The following DISC1 variants were observed in gnomAD, a reference collection of about 807,000 sequenced individuals.
DISC1 encodes DISC1 scaffold protein.
In DISC1, 57 loss-of-function variants were observed where a neutral mutation model predicts 84.5. The ratio of observed to expected loss-of-function variants is 0.67; its 90% CI spans 0.55 to 0.84. The LOEUF (loss-of-function observed/expected upper bound fraction) is 0.84. DISC1 is among the 40% of genes least tolerant of loss of function. DISC1 has a pLI of 0.00. For missense variants in DISC1, 1,000 were observed against 1,057.8 expected, an observed-to-expected ratio of 0.95 and a Z score of 0.76; for synonymous variants, 411 against 415.2, an observed-to-expected ratio of 0.99 and a Z score of 0.12.
rs540763296 is a variant in DISC1, at chr1:231,841,878, G to A, written c.1981+23361G>A. ...TTCCTTAGACACACACACAAAAAGA[G>A]CAAAATGTTAAGGTTAGAAAACAGT... On this transcript the variant is annotated intron_variant, in intron 9 of 12. Coordinates refer to ENST00000439617, the MANE Select transcript of DISC1 (RefSeq NM_018662.3). Among the ~76,000 whole-genome samples, 3 of 152,298 alleles carry A rather than the reference G, an allele frequency of 2.0e-5. No homozygotes were observed. The South Asian group carries it at 6.2e-4, about 32-fold the overall frequency.
chr1:231,902,026 A>G (rs1258469093), intron 9 of DISC1, among the ~76,000 whole-genome samples: 1 of 151,752 alleles, frequency 6.6e-6, no homozygotes, highest in Non-Finnish European at 1.5e-5. Flanking sequence ...TATATTTATC[A>G]TATACATAAT....
chr1:231,696,936 G>C (rs1205663742), intron 2 of DISC1, among the ~76,000 whole-genome samples: 1 of 152,226 alleles, frequency 6.6e-6, no homozygotes, highest in Non-Finnish European at 1.5e-5. Flanking sequence ...CTGTACTTGA[G>C]TATCTGTTGT....
chr1:231,934,035 C>T (rs1206337092), intron 9 of DISC1, among the ~76,000 whole-genome samples: 1 of 152,180 alleles, frequency 6.6e-6, no homozygotes, highest in Non-Finnish European at 1.5e-5. Flanking sequence ...ATTCACTCAC[C>T]TTTTCAACCT....
rs182711218 is a variant in DISC1 at position 231,735,835 on chromosome 1, C to T, written c.1118-14091C>T. Among the ~76,000 whole-genome samples, 447 of 152,190 alleles carry T rather than the reference C, an allele frequency of 2.9e-3. 2 individuals are homozygous for T. Among genetic ancestry groups the T allele is most frequent in the Non-Finnish European group, 4.9e-3 (334 of 68,012 alleles). The stretch of plus-strand genomic sequence containing the variant: ...TTATTTTAGTTTGATTTTTTTGAGT[C>T]GGGGTCTGGCTCTGTTGCCCAGGCT... On this transcript the variant is annotated intron_variant, in intron 3 of 12. Transcript: ENST00000439617.
chr1:231,999,159 G>T (rs1464655782), intron 10 of DISC1, among the ~76,000 whole-genome samples: 1 of 152,068 alleles, frequency 6.6e-6, no homozygotes, highest in African/African-American at 2.4e-5. Context: ...AGTAAGGGAG[G>T]ATTCCTGGTC....
At position 231,887,892 on chromosome 1, in the gene DISC1, G is replaced by A. The variant is rs1380668139; in HGVS notation, c.1981+69375G>A. ...CTTGGAGTATTTATTTTATGAATACGTGAATTACAATAACAAAACACTATA... is the reference window on the plus strand; with the variant it reads ...CTTGGAGTATTTATTTTATGAATACATGAATTACAATAACAAAACACTATA... On this transcript the variant is annotated intron_variant, in intron 9 of 12. Coordinates refer to ENST00000439617, the MANE Select transcript of DISC1 (RefSeq NM_018662.3). 1.3e-5 allele frequency among the ~76,000 whole-genome samples: 2 copies of A among 152,104 alleles called. 1 individual carries two copies. Among genetic ancestry groups the A allele is most frequent in the South Asian group, 4.1e-4 (2 of 4,828 alleles).
chr1:231,905,297 C>T (rs1484655587), intron 9 of DISC1, among the ~76,000 whole-genome samples: 1 of 152,152 alleles, frequency 6.6e-6, no homozygotes, highest in East Asian at 1.9e-4. Context: ...GGCCTATGGT[C>T]TTCAGAAGTG....
At chr1:231,662,793 A>G (rs762275193) in intron 1 of DISC1, among the ~76,000 whole-genome samples, 7 of 152,236 alleles carry the variant, frequency 4.6e-5, no homozygotes, top group African/African-American at 1.2e-4. Flanking sequence ...CAAAGAAAAT[A>G]TCTATAGAAT....
chr1:231,957,190 G>T (rs560106745), intron 9 of DISC1, among the ~76,000 whole-genome samples: 5 of 152,196 alleles, frequency 3.3e-5, no homozygotes, highest in Non-Finnish European at 7.4e-5. Context: ...GGAACATTTG[G>T]CTCCGGCCAC....
Position 231,780,821 on chromosome 1 carries a change from T to C in DISC1, c.1634+9751T>C, listed in dbSNP as rs1191983505. Among the ~76,000 whole-genome samples the C allele has an allele frequency of 3.5e-3, 367 of 103,454 alleles. 3 individuals are homozygous for C. Among genetic ancestry groups the C allele is most frequent in the African/African-American group, 0.013 (341 of 26,490 alleles). 67.9% of individuals were successfully genotyped at this position (103,454 alleles called of 152,430 possible). On this transcript the variant is annotated intron_variant, in intron 6 of 12. Transcript: ENST00000439617. ...GTGGCACATATACACCATGGAATAC[T>C]ATGCAGCCATAAAAAATGATGAGTT... is the stretch of plus-strand genomic sequence containing the variant.
chr1:231,866,545 G>T (rs1202630101), intron 9 of DISC1: 1 of 892,894 alleles, frequency 1.1e-6, no homozygotes, highest in Non-Finnish European at 1.9e-6. Context: ...GTGATGCAGA[G>T]TCCTGGACAC....
chr1:231,775,357 T>C (rs2076883965), intron 6 of DISC1, among the ~76,000 whole-genome samples: 1 of 152,246 alleles, frequency 6.6e-6, no homozygotes, highest in Non-Finnish European at 1.5e-5. Flanking sequence ...CGTTTCTGAC[T>C]GTGGCTTGTT....
chr1:231,807,682 A>G (rs2079852302), intron 8 of DISC1, among the ~76,000 whole-genome samples: 2 of 152,170 alleles, frequency 1.3e-5, no homozygotes, highest in Non-Finnish European at 2.9e-5. Flanking sequence ...CTGATGTTCC[A>G]GCTTCTGGAT....
At chr1:231,868,082 C>G (rs2085186645) in intron 9 of DISC1, among the ~76,000 whole-genome samples, 1 of 152,202 alleles carries the variant, frequency 6.6e-6, no homozygotes, top group South Asian at 2.1e-4. Flanking sequence ...AGGACACTCC[C>G]ACTCAGAGGC....
chr1:231,639,793 C>T lies in DISC1; in HGVS notation c.67+12859C>T, dbSNP rs543633773. On this transcript the variant is annotated intron_variant, in intron 1 of 12. Transcript: ENST00000439617. ...TGTATAGAACTGCTTTTACTATAAA[C>T]TTGCTTGTATTGTCCCCAGCAGCCA... Among the ~76,000 whole-genome samples the T allele has an allele frequency of 2.0e-5, 3 of 152,324 alleles. No homozygotes were observed. The South Asian group carries it at 6.2e-4, about 32-fold the overall frequency.
chr1:232,035,151 G>A (rs1670398532), intron 12 of DISC1, among the ~76,000 whole-genome samples: 1 of 152,116 alleles, frequency 6.6e-6, no homozygotes, highest in South Asian at 2.1e-4. Flanking sequence ...GGAGTTCCTT[G>A]TTCAAAAAAG....
chr1:232,005,446 T>C (rs551136117), intron 10 of DISC1, among the ~76,000 whole-genome samples: 2 of 152,324 alleles, frequency 1.3e-5, no homozygotes, highest in African/African-American at 4.8e-5. Context: ...TGTGCCTTTC[T>C]TTTCTCTCAC....
chr1:231,795,727 GA>G (rs930595195), intron 7 of DISC1, among the ~76,000 whole-genome samples: 10 of 152,066 alleles, frequency 6.6e-5, no homozygotes, highest in African/African-American at 2.4e-4. Flanking sequence ...CGTCTCTCCT[GA>G]AAATACAAAA....
intron 10 of DISC1, among the ~76,000 whole-genome samples, chr1:231,998,946 G>A (rs143432665): frequency 6.6e-5 from 10 of 152,186 alleles, no homozygotes; most frequent in African/African-American, 2.4e-4. Flanking sequence ...ATACATTAAA[G>A]CACTTTTCTT....
Sources: allele counts gnomAD v4.1 joint callset (sites outside exome capture counted in the v4.1 genomes callset), GRCh38; gene constraint gnomAD v4.1.1; transcripts MANE v1.5; gene names NCBI Gene and HGNC (gene_info 2026-07-23, HGNC 2026-07-21).